SNX24: variants seen among roughly 807,000 people sequenced by gnomAD.
SNX24 encodes the protein sorting nexin 24.
SNX24 carries 22 observed loss-of-function variants against 28.7 expected under a neutral mutation model. The ratio of observed to expected loss-of-function variants is 0.77; its 90% CI spans 0.55 to 1.10. SNX24 has a LOEUF of 1.10. Among genes scored for constraint, SNX24 ranks in the 50% least tolerant of loss-of-function variants. The probability of loss-of-function intolerance (pLI) is 0.00; values close to 1 mark genes in which losing one functional copy is unlikely to be tolerated. For synonymous variants in SNX24, 69 were observed against 71.5 expected, an observed-to-expected ratio of 0.96 and a Z score of 0.18; for missense variants, 221 against 201.1, an observed-to-expected ratio of 1.10 and a Z score of -0.60.
intron 3 of SNX24, among the ~76,000 whole-genome samples, chr5:122,996,778 T>C (rs1482432092): frequency 2.4e-4 from 37 of 152,092 alleles, no homozygotes; most frequent in Admixed American, 2.4e-3. Flanking sequence ...CGATTAACCA[T>C]TGGATATTAA....
At chr5:122,966,606 G>A (rs915663757) in intron 3 of SNX24, among the ~76,000 whole-genome samples, 4 of 152,164 alleles carry the variant, frequency 2.6e-5, no homozygotes, top group Admixed American at 2.0e-4. Flanking sequence ...TGGGCAGATA[G>A]GCAATAGTAA....
intron 1 of SNX24, among the ~76,000 whole-genome samples, chr5:122,877,012 G>A (rs775607006): frequency 2.3e-4 from 35 of 152,186 alleles, no homozygotes; most frequent in Non-Finnish European, 1.3e-4. Flanking sequence ...CATTGAGGAG[G>A]TCCCTGAGGA....
chr5:122,858,145 G>C (rs1328090668), intron 1 of SNX24, among the ~76,000 whole-genome samples: 1 of 152,148 alleles, frequency 6.6e-6, no homozygotes, highest in Non-Finnish European at 1.5e-5. Context: ...ACCATTTATT[G>C]AGTTTGCCAT....
intron 3 of SNX24, among the ~76,000 whole-genome samples, chr5:122,955,034 G>A (rs1171076783): frequency 6.6e-6 from 1 of 151,220 alleles, no homozygotes; most frequent in Non-Finnish European, 1.5e-5. Context: ...GACCCACAGG[G>A]ACCTGAGACC....
intron 3 of SNX24, among the ~76,000 whole-genome samples, chr5:122,948,146 C>T (rs1759772298): frequency 6.6e-6 from 1 of 152,180 alleles, no homozygotes; most frequent in Non-Finnish European, 1.5e-5. Flanking sequence ...ATTCTATTTG[C>T]AGGCAATGGG....
intron 1 of SNX24, among the ~76,000 whole-genome samples, chr5:122,933,466 C>G (rs566957747): frequency 3.3e-5 from 5 of 152,348 alleles, no homozygotes; most frequent in South Asian, 2.1e-4. Flanking sequence ...TCACAGGGCT[C>G]TGCCTGGGTG....
chr5:122,891,632 A>C (rs1192757148), intron 1 of SNX24, among the ~76,000 whole-genome samples: 1 of 152,126 alleles, frequency 6.6e-6, no homozygotes, highest in Non-Finnish European at 1.5e-5. Flanking sequence ...ACATACTCCC[A>C]AAGAAGGCCT....
chr5:122,927,548 G>A (rs1037893446), intron 1 of SNX24, among the ~76,000 whole-genome samples: 1 of 151,952 alleles, frequency 6.6e-6, no homozygotes, highest in African/African-American at 2.4e-5. Context: ...AACATTGACA[G>A]ACTGTGTTTT....
intron 1 of SNX24, among the ~76,000 whole-genome samples, chr5:122,874,568 T>A (rs557984455): frequency 6.6e-6 from 1 of 152,226 alleles, no homozygotes; most frequent in Non-Finnish European, 1.5e-5. Flanking sequence ...TGAGTGCTGA[T>A]CGATGTGCGG....
chr5:122,897,465 A>T (rs1263216127), intron 1 of SNX24, among the ~76,000 whole-genome samples: 1 of 152,234 alleles, frequency 6.6e-6, no homozygotes, highest in East Asian at 1.9e-4. Context: ...GACAGCATAT[A>T]GACTAACATG....
At chr5:122,975,240 C>T (rs2150151418) in intron 3 of SNX24, among the ~76,000 whole-genome samples, 1 of 152,358 alleles carries the variant, frequency 6.6e-6, no homozygotes, top group South Asian at 2.1e-4. Flanking sequence ...GGGCTCCCCA[C>T]AGTGTCACCT....
intron 1 of SNX24, among the ~76,000 whole-genome samples, chr5:122,913,900 G>A (rs1340339678): frequency 6.6e-6 from 1 of 152,216 alleles, no homozygotes; most frequent in Non-Finnish European, 1.5e-5. Context: ...TCGCGGTTAG[G>A]AGCTGGAGAC....
At chr5:122,874,005 T>C (rs1411323548) in intron 1 of SNX24, among the ~76,000 whole-genome samples, 1 of 152,120 alleles carries the variant, frequency 6.6e-6, no homozygotes, top group Non-Finnish European at 1.5e-5. Flanking sequence ...CCTGACCTCA[T>C]GTGATCCACC....
At chr5:122,868,045 C>T (rs1186090184) in intron 1 of SNX24, among the ~76,000 whole-genome samples, 2 of 152,348 alleles carry the variant, frequency 1.3e-5, no homozygotes, top group African/African-American at 2.4e-5. Flanking sequence ...GGACAGTGTA[C>T]TGCAGCTGTG....
At chr5:122,973,472 A>T (rs1031386028) in intron 3 of SNX24, among the ~76,000 whole-genome samples, 1 of 152,190 alleles carries the variant, frequency 6.6e-6, no homozygotes, top group East Asian at 1.9e-4. Flanking sequence ...GGACCTAGTC[A>T]TCTCTTCCAC....
chr5:122,996,779 T>C (rs751173337), intron 3 of SNX24, among the ~76,000 whole-genome samples: 13 of 152,196 alleles, frequency 8.5e-5, no homozygotes, highest in Admixed American at 2.6e-4. Flanking sequence ...GATTAACCAT[T>C]GGATATTAAT....
chr5:123,023,195 A>C (rs1762787007), intron 5 of SNX24: 1 of 152,238 alleles, frequency 6.6e-6, no homozygotes, highest in African/African-American at 2.4e-5. Context: ...GTTACATTGA[A>C]TAACAATAAG....
intron 1 of SNX24, among the ~76,000 whole-genome samples, chr5:122,935,944 G>A (rs951921685): frequency 1.3e-5 from 2 of 152,096 alleles, no homozygotes; most frequent in African/African-American, 4.8e-5. Flanking sequence ...GAATGACAGA[G>A]CTCCTCTTTA....
At chr5:122,878,831 C>T (rs1297551435) in intron 1 of SNX24, among the ~76,000 whole-genome samples, 1 of 151,736 alleles carries the variant, frequency 6.6e-6, no homozygotes, top group African/African-American at 2.4e-5. Flanking sequence ...AAAAAATTAG[C>T]CGAGTGTGGT....
Sources: gnomAD v4.1 joint callset for allele counts (sites outside exome capture counted in the v4.1 genomes callset) on GRCh38, gnomAD v4.1.1 for gene constraint, MANE v1.5 for transcripts, NCBI Gene and HGNC (gene_info 2026-07-23, HGNC 2026-07-21) for gene names.